The following PRR5 variants were observed in gnomAD, a reference collection of about 807,000 sequenced individuals.
The protein encoded by PRR5 is proline rich 5.
In PRR5, 25 loss-of-function variants were observed where a neutral mutation model predicts 30.6. That is an observed-to-expected ratio of 0.82 (90% CI 0.60 to 1.14). PRR5 has a LOEUF of 1.14. PRR5 is among the 50% of genes most tolerant of loss of function. The pLI is 0.00. For synonymous variants in PRR5, 286 were observed against 247.1 expected, an observed-to-expected ratio of 1.16 and a Z score of -1.48; for missense variants, 600 against 547.1, an observed-to-expected ratio of 1.10 and a Z score of -0.96.
In PRR5 at chr22:44,668,897, G is replaced by C. The variant is rs1470486819; in HGVS notation, c.-11+92G>C. The C allele has an allele frequency of 2.7e-5, 4 of 150,446 alleles. No individual in the cohort carries two copies. The East Asian group carries it at 5.9e-4, about 22-fold the overall frequency. 9.3% of individuals were successfully genotyped at this position (150,446 alleles called of 1,614,324 possible). On this transcript the variant is annotated intron_variant, in intron 1 of 8. Transcript: ENST00000432186. ...GGCACGCGCGACCCTGCGGAAGGGG[G>C]GGCCCCGGGGCGGTGCCGGCGGAGC...
rs1011824909 is a variant in PRR5 at position 44,729,624 on chromosome 22, G to A, written c.323-2106G>A. 8.1e-6 allele frequency: 8 copies of A among 985,292 alleles called. No homozygotes were observed. The Admixed American group carries it at 3.1e-4, about 38-fold the overall frequency. 61.0% of individuals were successfully genotyped at this position (985,292 alleles called of 1,614,324 possible). On this transcript the variant is annotated intron_variant, in intron 4 of 7. Transcript: ENST00000336985. ...CCGCCTGGAGGAACTTCCTGGGGTC[G>A]CCCCATACCTGCCTCCGACTAACCC...
At chr22:44,723,457 C>T (rs1204225645) in intron 2 of PRR5, among the ~76,000 whole-genome samples, 13 of 152,160 alleles carry the variant, frequency 8.5e-5, no homozygotes, top group Admixed American at 6.5e-4. Context: ...CAGTGGCTCA[C>T]GCCTGTAATC....
At chr22:44,672,804 G>A (rs1479183515), upstream of PRR5, among the ~76,000 whole-genome samples, 2 of 152,206 alleles carry the variant, frequency 1.3e-5, no homozygotes, top group Non-Finnish European at 2.9e-5. Context: ...CCCACGAGGT[G>A]GGCGTGGCCC....
chr22:44,713,377 G>A (rs370079092), intron 1 of PRR5, among the ~76,000 whole-genome samples: 16 of 152,376 alleles, frequency 1.1e-4, no homozygotes, highest in African/African-American at 3.4e-4. Flanking sequence ...GATTACAGGC[G>A]TGAGCCACCC....
chr22:44,693,795 A>ATTTTTTTTTTTTTTTTTTTTTTTTTTTTT (rs61604082), intron 1 of PRR5, among the ~76,000 whole-genome samples: 1 of 79,644 alleles, frequency 1.3e-5, no homozygotes, highest in African/African-American at 5.4e-5. Context: ...ACACTCGGCT[A>ATTTTTTTTTTTTTTTTTTTTTTTTTTTTT]TTTTTTTTTT....
intron 2 of PRR5, among the ~76,000 whole-genome samples, chr22:44,723,445 T>C (rs777861101): frequency 6.6e-6 from 1 of 152,136 alleles, no homozygotes; most frequent in South Asian, 2.1e-4. Context: ...TGGGGCCAGG[T>C]GCAGTGGCTC....
At chr22:44,677,535 A>G (rs769920752) in intron 1 of PRR5, among the ~76,000 whole-genome samples, 70 of 152,176 alleles carry the variant, frequency 4.6e-4, no homozygotes, top group Non-Finnish European at 9.6e-4. Context: ...GCTTCTTCCT[A>G]CTGCTGCATG....
At chr22:44,717,294 C>T (rs1423992385) in intron 2 of PRR5, among the ~76,000 whole-genome samples, 2 of 147,428 alleles carry the variant, frequency 1.4e-5, no homozygotes, top group African/African-American at 5.0e-5. Context: ...CGGGTTCAAG[C>T]GATTCTCCTG....
intron 2 of PRR5, 90 bp from the exon 3 acceptor site, chr22:44,725,154 C>T (rs903842054): frequency 6.3e-7 from 1 of 1,577,396 alleles, no homozygotes. Flanking sequence ...TGATCTCCCC[C>T]TGCCCAGGAG....
At chr22:44,714,193 C>T (rs1569092039) in intron 1 of PRR5, among the ~76,000 whole-genome samples, 1 of 152,096 alleles carries the variant, frequency 6.6e-6, no homozygotes, top group Non-Finnish European at 1.5e-5. Flanking sequence ...TCCTGAACTC[C>T]GGGTGGCCGT....
At chr22:44,693,854 G>A (rs1487022319) in intron 1 of PRR5, among the ~76,000 whole-genome samples, 15 of 134,758 alleles carry the variant, frequency 1.1e-4, no homozygotes, top group African/African-American at 4.2e-4. Context: ...GTGTTAGCCA[G>A]TATGGTCTCG....
chr22:44,728,923 G>A (rs1194627301), intron 4 of PRR5, among the ~76,000 whole-genome samples: 1 of 152,188 alleles, frequency 6.6e-6, no homozygotes, highest in Non-Finnish European at 1.5e-5. Flanking sequence ...GCCTTGAGGT[G>A]GAGGGCTGCC....
At chr22:44,719,464 C>G (rs553310627) in intron 2 of PRR5, among the ~76,000 whole-genome samples, 1 of 152,296 alleles carries the variant, frequency 6.6e-6, no homozygotes, top group African/African-American at 2.4e-5. Flanking sequence ...ATCTTGATGG[C>G]TTTGGATGAC....
At chr22:44,733,584 G>A (rs766553931) in intron 6 of PRR5, among the ~76,000 whole-genome samples, 9 of 152,118 alleles carry the variant, frequency 5.9e-5, no homozygotes, top group Admixed American at 3.3e-4. Context: ...GGGTTGAAGC[G>A]GGGACCCTTG....
chr22:44,704,794 G>A (rs545189750), intron 1 of PRR5, among the ~76,000 whole-genome samples: 34 of 152,080 alleles, frequency 2.2e-4, no homozygotes, highest in African/African-American at 7.2e-4. Context: ...TGCACAGGAT[G>A]CAGCAGAGCC....
chr22:44,736,631 G>T (rs1923309877), intron 7 of PRR5, 141 bp from the exon 8 acceptor site: 24 of 1,394,972 alleles, frequency 1.7e-5, no homozygotes, highest in Non-Finnish European at 2.1e-5. Flanking sequence ...GTGGCGGTGG[G>T]ACCTGCTGAG....
intron 2 of PRR5, among the ~76,000 whole-genome samples, chr22:44,722,222 G>A (rs1930046893): frequency 6.6e-6 from 1 of 152,236 alleles, no homozygotes; most frequent in Admixed American, 6.5e-5. Flanking sequence ...GCCAGGAGCA[G>A]GGCCAGGCTC....
Position 44,714,571 on chromosome 22 carries a change from T to A in PRR5, c.135-20T>A. ...CTCTCAGACCTCAGGACTGCAGTGT[T>A]TTCTTCCCTCTGCCCCCAGCATCCA... On this transcript the variant is annotated intron_variant, in intron 1 of 7. Coordinates refer to ENST00000336985, the MANE Select transcript of PRR5 (RefSeq NM_181333.4). 1.9e-6 allele frequency: 3 copies of A among 1,611,870 alleles called. No homozygotes were observed. The South Asian group carries it at 3.3e-5, about 18-fold the overall frequency.
At chr22:44,712,257 C>CGTATCTG (rs1928360678) in intron 1 of PRR5, among the ~76,000 whole-genome samples, 1 of 152,182 alleles carries the variant, frequency 6.6e-6, no homozygotes, top group African/African-American at 2.4e-5. Context: ...GCCAGGGATA[C>CGTATCTG]GTATCTGGCG....
Sources: gnomAD v4.1 joint callset for allele counts (sites outside exome capture counted in the v4.1 genomes callset) on GRCh38, gnomAD v4.1.1 for gene constraint, MANE v1.5 for transcripts, NCBI Gene and HGNC (gene_info 2026-07-23, HGNC 2026-07-21) for gene names.